RANBP2: variants seen among roughly 807,000 people sequenced by gnomAD.
RANBP2 encodes the protein RAN binding protein 2.
RANBP2 carries 57 observed loss-of-function variants against 303.6 expected under a neutral mutation model. The observed-to-expected ratio is 0.19, with a 90% CI of 0.15 to 0.23. The LOEUF is 0.23. Ranked by LOEUF, RANBP2 falls within the 10% of genes least tolerant of loss-of-function variation. The probability of loss-of-function intolerance (pLI) is 1.00; values close to 1 mark genes in which losing one functional copy is unlikely to be tolerated. For missense variants in RANBP2, 3,138 were observed against 3,780.8 expected (o/e 0.83, Z 4.46); for synonymous variants, 1,167 against 1,301.5 (o/e 0.90, Z 2.23).
At chr2:109,543,636 C>T in the RANBP2 span, 2 of 152,338 alleles carry the variant, frequency 1.3e-5, no homozygotes, top group African/African-American at 4.8e-5. Context: ...AATCAGATAG[C>T]CACGATATTA....
the RANBP2 span, among the ~76,000 whole-genome samples, chr2:109,653,763 C>T: frequency 6.6e-6 from 1 of 152,118 alleles, no homozygotes; most frequent in Non-Finnish European, 1.5e-5. Context: ...GAAGTCCTGG[C>T]CTCCTTATTT....
the RANBP2 span, among the ~76,000 whole-genome samples, chr2:109,669,304 G>A: frequency 1.3e-4 from 20 of 152,132 alleles, no homozygotes; most frequent in Middle Eastern, 3.4e-3. Context: ...AATCACAGGC[G>A]ACCAAAGCAA....
At chr2:108,861,772 C>T in the RANBP2 span, among the ~76,000 whole-genome samples, 256 of 151,870 alleles carry the variant, frequency 1.7e-3, 2 homozygotes, top group African/African-American at 3.4e-3. Flanking sequence ...TGAGCCACCG[C>T]GCCCGGCCTA....
chr2:109,605,677 A>G, the RANBP2 span: 3 of 152,342 alleles, frequency 2.0e-5, no homozygotes, highest in Admixed American at 2.0e-4. Flanking sequence ...ATATGCAAAT[A>G]CAAAACAAAA....
At chr2:109,614,032 C>G in the RANBP2 span, 12 of 1,208,414 alleles carry the variant, frequency 9.9e-6, no homozygotes, top group Non-Finnish European at 1.2e-5. Context: ...GTGGTGCGCG[C>G]TGAGCGTTTT....
At chr2:109,250,637 A>G in the RANBP2 span, among the ~76,000 whole-genome samples, 1 of 152,078 alleles carries the variant, frequency 6.6e-6, no homozygotes, top group East Asian at 1.9e-4. Context: ...TTCCTGGGCT[A>G]AATTTAGAAA....
chr2:109,358,294 A>C, the RANBP2 span, among the ~76,000 whole-genome samples: 1 of 152,240 alleles, frequency 6.6e-6, no homozygotes, highest in Admixed American at 6.5e-5. Flanking sequence ...TTATCCATTC[A>C]CCTACTAAAC....
chr2:109,409,366 C>G, the RANBP2 span, among the ~76,000 whole-genome samples: 10 of 152,206 alleles, frequency 6.6e-5, no homozygotes, highest in African/African-American at 9.7e-5. Flanking sequence ...CGCAGTGACT[C>G]AGCTCCACCC....
chr2:109,567,452 T>G, the RANBP2 span, among the ~76,000 whole-genome samples: 1 of 152,172 alleles, frequency 6.6e-6, no homozygotes, highest in Admixed American at 6.5e-5. Context: ...ATTTTAAGAT[T>G]TTACAGCATG....
chr2:109,179,003 A>ATG, the RANBP2 span, among the ~76,000 whole-genome samples: 3,211 of 142,094 alleles, frequency 0.023, 65 homozygotes, highest in African/African-American at 0.058. Context: ...AAGTATAATA[A>ATG]TGTGTGTGTG....
At chr2:109,520,706 G>A in the RANBP2 span, among the ~76,000 whole-genome samples, 1 of 138,452 alleles carries the variant, frequency 7.2e-6, no homozygotes, top group Admixed American at 7.3e-5. Flanking sequence ...CAAGGCAGGT[G>A]GATCACCTGA....
chr2:109,520,515 G>A, the RANBP2 span, among the ~76,000 whole-genome samples: 12 of 146,214 alleles, frequency 8.2e-5, no homozygotes, highest in African/African-American at 2.0e-4. Context: ...CAGAAGAATC[G>A]CTGGAACCCA....
chr2:109,250,265 T>C, the RANBP2 span, among the ~76,000 whole-genome samples: 1 of 152,134 alleles, frequency 6.6e-6, no homozygotes, highest in Non-Finnish European at 1.5e-5. Flanking sequence ...TTTAGAACTT[T>C]GGAAGCCCTG....
chr2:109,690,781 G>C, the RANBP2 span, among the ~76,000 whole-genome samples: 1 of 151,882 alleles, frequency 6.6e-6, no homozygotes, highest in Non-Finnish European at 1.5e-5. Flanking sequence ...GGTGGGGTGT[G>C]TTGGGGGGTA....
chr2:109,563,162 TG>T, the RANBP2 span, among the ~76,000 whole-genome samples: 1 of 152,116 alleles, frequency 6.6e-6, no homozygotes, highest in African/African-American at 2.4e-5. Context: ...CTGCCCGCCT[TG>T]GCCTCCCAAA....
At chr2:109,623,267 C>A in the RANBP2 span, among the ~76,000 whole-genome samples, 1 of 152,194 alleles carries the variant, frequency 6.6e-6, no homozygotes, top group Admixed American at 6.5e-5. Context: ...CTTCCTTGAG[C>A]CCATACCCAC....
chr2:109,303,818 CAAG>C, the RANBP2 span, among the ~76,000 whole-genome samples: 1 of 152,204 alleles, frequency 6.6e-6, no homozygotes, highest in African/African-American at 2.4e-5. Flanking sequence ...TCACCACCAT[CAAG>C]ACCGTGAACA....
At chr2:108,812,488 G>A in the RANBP2 span, 2 of 625,908 alleles carry the variant, frequency 3.2e-6, no homozygotes, top group Admixed American at 6.2e-5. Context: ...CTTCAGTTGT[G>A]ATCTAAGTTA....
the RANBP2 span, among the ~76,000 whole-genome samples, chr2:109,681,278 G>A: frequency 3.3e-5 from 5 of 152,214 alleles, no homozygotes; most frequent in South Asian, 2.1e-4. Context: ...AGGGGCGCTC[G>A]AGACTGGAAA....
Sources: gnomAD v4.1 joint callset for allele counts (sites outside exome capture counted in the v4.1 genomes callset) on GRCh38, gnomAD v4.1.1 for gene constraint, MANE v1.5 for transcripts, NCBI Gene and HGNC (gene_info 2026-07-23, HGNC 2026-07-21) for gene names.